Variants in ABLIM2 observed in about 807,000 individuals in gnomAD.
The protein encoded by ABLIM2 is actin binding LIM protein family member 2, also known as actin-binding LIM protein 2.
In ABLIM2, 53 loss-of-function variants were observed where a neutral mutation model predicts 97.7. That is an observed-to-expected ratio of 0.54 (90% CI 0.44 to 0.68). The LOEUF is 0.68. Ranked by LOEUF, ABLIM2 falls within the 30% of genes least tolerant of loss-of-function variation. ABLIM2 has a pLI of 0.00. For missense variants in ABLIM2, 835 were observed against 867.2 expected, an observed-to-expected ratio of 0.96 and a Z score of 0.47; for synonymous variants, 361 against 345.8, an observed-to-expected ratio of 1.04 and a Z score of -0.49.
At chr4:8,142,887 C>A (rs760921260) in intron 1 of ABLIM2, among the ~76,000 whole-genome samples, 5 of 152,186 alleles carry the variant, frequency 3.3e-5, no homozygotes, top group Non-Finnish European at 7.4e-5. Context: ...CCTTGAGGAA[C>A]CTCAGGTCTG....
At chr4:8,091,856 ATATAT>A (rs1463600499) in intron 3 of ABLIM2, among the ~76,000 whole-genome samples, 1 of 111,722 alleles carries the variant, frequency 9.0e-6, no homozygotes, top group Non-Finnish European at 1.7e-5. Flanking sequence ...TATTTATACA[ATATAT>A]TATATATACA....
chr4:8,009,705 T>C (rs552879413), intron 14 of ABLIM2, among the ~76,000 whole-genome samples: 1 of 152,308 alleles, frequency 6.6e-6, no homozygotes, highest in African/African-American at 2.4e-5. Context: ...CCACTTGGCC[T>C]TTTGAGAACA....
chr4:7,988,467 T>C (rs757973414), intron 17 of ABLIM2, among the ~76,000 whole-genome samples: 2 of 152,236 alleles, frequency 1.3e-5, no homozygotes, highest in Non-Finnish European at 2.9e-5. Flanking sequence ...GACAAATACA[T>C]GGGACTGTAA....
intron 14 of ABLIM2, chr4:8,010,384 C>T (rs574338386): frequency 6.2e-5 from 61 of 985,894 alleles, no homozygotes; most frequent in South Asian, 1.4e-4. Context: ...CAGCCCGCCA[C>T]GAAGACCCAG....
In ABLIM2 at chr4:7,998,291, G is replaced by A. The variant is rs1474450541; in HGVS notation, c.1619-5364C>T. The stretch of plus-strand genomic sequence containing the variant: ...ATTTTGGATATTATGTTAGAAGACT[G>A]ATCTTGTTAAGTGTTAAATCCTCTA... On this transcript the variant is annotated intron_variant, in intron 16 of 20. Transcript: ENST00000447017. This position sits in a 1 kb window ranked among gnomAD's most constrained non-coding sequence, Gnocchi z 6.4. Among the ~76,000 whole-genome samples, 2 of 152,128 alleles carry A rather than the reference G, an allele frequency of 1.3e-5. No individual in the cohort carries two copies. Among genetic ancestry groups the A allele is most frequent in the Non-Finnish European group, 2.9e-5 (2 of 68,012 alleles).
chr4:8,092,533 A>C (rs1829377843), intron 3 of ABLIM2, among the ~76,000 whole-genome samples: 1 of 151,794 alleles, frequency 6.6e-6, no homozygotes. Context: ...TGTTTCCTGG[A>C]CTCCCTCTTT....
At position 8,149,226 on chromosome 4, in the gene ABLIM2, G is replaced by A. The variant is rs140834520; in HGVS notation, c.10+9454C>T. Among the ~76,000 whole-genome samples the A allele has an allele frequency of 1.8e-3, 269 of 152,266 alleles. 3 individuals are homozygous for A. In the East Asian group the frequency reaches 0.043, roughly 24 times the overall value. ...CTGCTGCCTCCTGCCTCCCGTTAGCGAGAAGCCTCAGGCCCCCTGAAATCC... is the reference window on the plus strand; with the variant it reads ...CTGCTGCCTCCTGCCTCCCGTTAGCAAGAAGCCTCAGGCCCCCTGAAATCC... On this transcript the variant is annotated intron_variant, in intron 1 of 20. Transcript: ENST00000447017. The surrounding 1 kb of genome is among the most constrained non-coding windows in gnomAD (Gnocchi z 6.4).
chr4:7,984,751 G>A (rs1328445771), intron 18 of ABLIM2, 88 bp downstream of exon 18: 9 of 1,396,438 alleles, frequency 6.4e-6, no homozygotes, highest in African/African-American at 1.4e-5. Context: ...TGCAGGCTGC[G>A]GATGGGGTGG....
In ABLIM2 at chr4:8,054,037, C is replaced by T. The variant is rs1045138909; in HGVS notation, c.822+151G>A. ...TTGCTCACCAGTCTACTTGTTTACCCTCCCCACCTCCTAAGCCTGGCTGCC... is the reference window on the plus strand; with the variant it reads ...TTGCTCACCAGTCTACTTGTTTACCTTCCCCACCTCCTAAGCCTGGCTGCC... On this transcript the variant is annotated intron_variant, in intron 8 of 20. Transcript: ENST00000447017. This position sits in a 1 kb window ranked among gnomAD's most constrained non-coding sequence, Gnocchi z 4.9. 4.2e-5 allele frequency: 32 copies of T among 765,668 alleles called. 2 individuals are homozygous for T. Among genetic ancestry groups the T allele is most frequent in the South Asian group, 3.5e-4 (21 of 59,956 alleles). The allele number at this position is 765,668 out of a possible 1,614,324, so 47.4% of individuals were successfully genotyped here. A position where few individuals can be genotyped will look rare whatever the true frequency, so the allele number is the denominator to read the frequency against.
rs1830818926 is a variant in ABLIM2 at position 8,095,056 on chromosome 4, CTTTCTCTTTCTTTCTT to C, written c.338+2027_338+2042del. 7.2e-6 allele frequency among the ~76,000 whole-genome samples: 1 copy of C among 137,970 alleles called. No homozygotes were observed. Among genetic ancestry groups the C allele is most frequent in the Non-Finnish European group, 1.6e-5 (1 of 62,902 alleles). 90.5% of individuals were successfully genotyped at this position (137,970 alleles called of 152,430 possible). On this transcript the variant is annotated intron_variant, in intron 3 of 20. Coordinates refer to ENST00000447017, the MANE Select transcript of ABLIM2 (RefSeq NM_001130083.2). The surrounding 1 kb of genome is among the most constrained non-coding windows in gnomAD (Gnocchi z 4.7). Reference sequence around the variant, plus strand: ...TCTTTCCTTCCTTCCTTCTTTCTTTCTTTCTCTTTCTTTCTTTCTCTCTCTCTCTCTTTCTTTCTTT... The same window carrying C: ...TCTTTCCTTCCTTCCTTCTTTCTTTCTCTCTCTCTCTCTCTTTCTTTCTTT...
At chr4:8,111,871 G>A (rs1232013604) in intron 1 of ABLIM2, among the ~76,000 whole-genome samples, 3 of 144,412 alleles carry the variant, frequency 2.1e-5, no homozygotes, top group African/African-American at 7.7e-5. Flanking sequence ...AGGTCGCAGT[G>A]AGCCAAGATT....
chr4:8,108,471 G>A lies in ABLIM2; in HGVS notation c.11-1834C>T, dbSNP rs115717037. 4.4e-3 allele frequency among the ~76,000 whole-genome samples: 665 copies of A among 152,366 alleles called. 6 individuals are homozygous for A. Among genetic ancestry groups the A allele is most frequent in the African/African-American group, 0.015 (612 of 41,584 alleles). ...TCAAGTCCGGCCACGGTACCCAGCC[G>A]GGAAGCCAGCTGCATGGCAGACTCG... On this transcript the variant is annotated intron_variant, in intron 1 of 20. Transcript: ENST00000447017.
intron 18 of ABLIM2, 81 bp from the exon 19 acceptor site, chr4:7,983,635 TG>T: frequency 1.3e-6 from 2 of 1,548,170 alleles, no homozygotes; most frequent in South Asian, 1.2e-5. Flanking sequence ...ATCCCTGCCC[TG>T]GGGTACCCCT....
At chr4:8,049,284 G>T (rs942592588) in intron 8 of ABLIM2, among the ~76,000 whole-genome samples, 1 of 152,232 alleles carries the variant, frequency 6.6e-6, no homozygotes, top group African/African-American at 2.4e-5. Context: ...ATGATCAAAC[G>T]CCTGAGGCGG....
chr4:7,971,577 C>A (rs931391181), intron 20 of ABLIM2, among the ~76,000 whole-genome samples: 1 of 152,134 alleles, frequency 6.6e-6, no homozygotes, highest in African/African-American at 2.4e-5. Context: ...ACCTGGGAGC[C>A]AGGTTAGGTG....
At chr4:8,103,324 G>C (rs1288024261) in intron 2 of ABLIM2, among the ~76,000 whole-genome samples, 2 of 152,252 alleles carry the variant, frequency 1.3e-5, no homozygotes, top group African/African-American at 4.8e-5. Context: ...AAGACTGCAA[G>C]GTCCTCATGC....
intron 20 of ABLIM2, among the ~76,000 whole-genome samples, chr4:7,967,397 C>T (rs1401255556): frequency 6.6e-6 from 1 of 152,246 alleles, no homozygotes; most frequent in African/African-American, 2.4e-5. Flanking sequence ...AGTTCATTAA[C>T]ATGTCCCAGA....
rs1179565384 is a variant in ABLIM2 at position 8,079,390 on chromosome 4, G to A, written c.581+1286C>T. Among the ~76,000 whole-genome samples, 4 of 152,342 alleles carry A rather than the reference G, an allele frequency of 2.6e-5. No individual in the cohort carries two copies. The East Asian group carries it at 5.8e-4, about 22-fold the overall frequency. On this transcript the variant is annotated intron_variant, in intron 5 of 20. Transcript: ENST00000447017. ...GTGAGCTGCCAACGCTGCGGGAGGG[G>A]CCTGCCGCCTGCACGGGGCTGGGCA...
rs146857197 is a variant in ABLIM2 at position 8,068,430 on chromosome 4, G to A, written c.676-7376C>T. ...GTCAGAGGGCAGCGGTTTAAGGGAC[G>A]TCCCCACTGTGACGTGCAGAATAGG... On this transcript the variant is annotated intron_variant, in intron 6 of 20. Transcript: ENST00000447017. This position sits in a 1 kb window ranked among gnomAD's most constrained non-coding sequence, Gnocchi z 4.5. Among the ~76,000 whole-genome samples, 183 of 152,262 alleles carry A rather than the reference G, an allele frequency of 1.2e-3. No individual in the cohort carries two copies. The highest frequency in any genetic ancestry group is 4.0e-3 in the African/African-American group (168 of 41,546).
Sources: allele counts gnomAD v4.1 joint callset (sites outside exome capture counted in the v4.1 genomes callset), GRCh38; gene constraint gnomAD v4.1.1; non-coding constraint Gnocchi (gnomAD v3.1); transcripts MANE v1.5; gene names NCBI Gene and HGNC (gene_info 2026-07-23, HGNC 2026-07-21).